The following CEP57 variants were observed in gnomAD, a reference collection of about 807,000 sequenced individuals.
CEP57 encodes the protein centrosomal protein of 57 kDa.
A neutral mutation model predicts 68.0 loss-of-function variants in CEP57; 40 were observed. That is an observed-to-expected ratio of 0.59 (90% confidence interval 0.46 to 0.77). CEP57 has a LOEUF of 0.77. CEP57 is among the 30% of genes least tolerant of loss of function. The pLI is 0.00. For missense variants in CEP57, 606 were observed against 580.7 expected (o/e 1.04, Z -0.45); for synonymous variants, 219 against 198.7 (o/e 1.10, Z -0.86).
rs564070002 is a variant in CEP57, at chr11:95,808,254, T to A, written c.203-4678T>A. On this transcript the variant is annotated intron_variant, in intron 2 of 10. Coordinates refer to ENST00000325542, the MANE Select transcript of CEP57 (RefSeq NM_014679.5). ...GAAAGGAACAACCGGTACCAGCCAC[T>A]GCAAAAACATGCCAAATTGTAAAGA... 2.0e-5 allele frequency among the ~76,000 whole-genome samples: 3 copies of A among 152,150 alleles called. No homozygotes were observed. In the East Asian group the frequency reaches 5.8e-4, roughly 29 times the overall value.
rs1591036052 is a variant in CEP57 at position 95,790,592 on chromosome 11, G to A, written c.-107G>A. ...CAGCACCCTTGCCCTTTTCCATCAG[G>A]GGTTCAGCCTAGGGTCCCCGCTGGT... On this transcript the variant is annotated 5_prime_UTR_variant, in exon 1 of 11. Coordinates refer to ENST00000325542, the MANE Select transcript of CEP57 (RefSeq NM_014679.5). 1.5e-6 allele frequency: 2 copies of A among 1,362,180 alleles called. No homozygotes were observed. Among genetic ancestry groups the A allele is most frequent in the Admixed American group, 2.0e-5 (1 of 50,830 alleles). 84.4% of individuals were successfully genotyped at this position (1,362,180 alleles called of 1,614,324 possible). A position where few individuals can be genotyped will look rare whatever the true frequency, so the allele number is the denominator to read the frequency against.
intron 4 of CEP57, among the ~76,000 whole-genome samples, chr11:95,815,910 C>CATTT (rs1243264971): frequency 6.6e-6 from 1 of 152,040 alleles, no homozygotes; most frequent in Non-Finnish European, 1.5e-5. Flanking sequence ...TTTTATGTAC[C>CATTT]CTGGCTCCAA....
At chr11:95,807,590 G>A (rs753651255) in intron 2 of CEP57, among the ~76,000 whole-genome samples, 11 of 152,098 alleles carry the variant, frequency 7.2e-5, no homozygotes, top group Non-Finnish European at 8.8e-5. Context: ...CTCAGTAGCC[G>A]ATTCAATCAA....
chr11:95,814,286 T>C (rs1862204584), intron 4 of CEP57, among the ~76,000 whole-genome samples: 1 of 151,814 alleles, frequency 6.6e-6, no homozygotes, highest in South Asian at 2.1e-4. Flanking sequence ...TGGCCTCAAG[T>C]GATCAGGCCG....
chr11:95,796,392 G>A (rs1302823424), intron 1 of CEP57, among the ~76,000 whole-genome samples: 1 of 152,180 alleles, frequency 6.6e-6, no homozygotes, highest in Non-Finnish European at 1.5e-5. Context: ...GGAGAGATTA[G>A]TGGATTGGGA....
At chr11:95,818,018 A>G (rs1862372364) in intron 5 of CEP57, 115 bp downstream of exon 5, 1 of 730,194 alleles carries the variant, frequency 1.4e-6, no homozygotes, top group Non-Finnish European at 2.5e-6. Flanking sequence ...TAATGAAGAA[A>G]TATATTGGAG....
In CEP57 at chr11:95,819,872, C is replaced by G. The variant is rs138387942; in HGVS notation, c.699+968C>G. ...TGTATTAAATCTGATACAGTTCCTT[C>G]TCAAATATTTACCTTCTGATCAATT... is the stretch of plus-strand genomic sequence containing the variant. On this transcript the variant is annotated intron_variant, in intron 6 of 10. Coordinates refer to ENST00000325542, the MANE Select transcript of CEP57 (RefSeq NM_014679.5). 3.0e-3 allele frequency among the ~76,000 whole-genome samples: 450 copies of G among 151,872 alleles called. 3 individuals carry two copies. Among genetic ancestry groups the G allele is most frequent in the African/African-American group, 9.6e-3 (399 of 41,462 alleles).
At chr11:95,822,237 C>T (rs1565329631) in intron 7 of CEP57, 1 of 576,498 alleles carries the variant, frequency 1.7e-6, no homozygotes, top group Non-Finnish European at 3.1e-6. Context: ...TGTGCTCTTA[C>T]AATGTTTTGT....
intron 1 of CEP57, among the ~76,000 whole-genome samples, chr11:95,793,095 C>A (rs1052744420): frequency 6.6e-6 from 1 of 152,112 alleles, no homozygotes; most frequent in African/African-American, 2.4e-5. Flanking sequence ...AGATTTTTAA[C>A]AAGTAGATTC....
intron 8 of CEP57, among the ~76,000 whole-genome samples, chr11:95,824,250 A>T (rs544339878): frequency 2.2e-4 from 33 of 151,888 alleles, no homozygotes; most frequent in African/African-American, 3.9e-4. Context: ...TCTTTAAAAA[A>T]TTTTTTTTAA....
intron 2 of CEP57, among the ~76,000 whole-genome samples, chr11:95,810,063 C>T (rs963788729): frequency 6.6e-6 from 1 of 152,070 alleles, no homozygotes; most frequent in Non-Finnish European, 1.5e-5. Context: ...AATCAGTAAA[C>T]GTAATTCATC....
chr11:95,791,091 G>GC (rs1424931806), intron 1 of CEP57, among the ~76,000 whole-genome samples: 3 of 152,310 alleles, frequency 2.0e-5, no homozygotes, highest in East Asian at 3.9e-4. Flanking sequence ...GGGTTCAGCG[G>GC]CCCCTCTAGG....
At chr11:95,829,368 T>TAA in intron 10 of CEP57, 37 bp downstream of exon 10, 1 of 1,539,440 alleles carries the variant, frequency 6.5e-7, no homozygotes, top group Non-Finnish European at 8.9e-7. Flanking sequence ...TTCTAATGAT[T>TAA]AAGAAAAAAA....
chr11:95,824,976 A>T (rs1353402862), intron 8 of CEP57, among the ~76,000 whole-genome samples: 1 of 152,180 alleles, frequency 6.6e-6, no homozygotes, highest in Non-Finnish European at 1.5e-5. Context: ...TGCCAGTAAG[A>T]GACTGCCTTT....
chr11:95,796,276 G>T (rs1198309081), intron 1 of CEP57, among the ~76,000 whole-genome samples: 1 of 152,212 alleles, frequency 6.6e-6, no homozygotes, highest in Non-Finnish European at 1.5e-5. Flanking sequence ...ACTAAAGGCT[G>T]CAGGAAAAGC....
chr11:95,806,523 T>A (rs1320218712), intron 2 of CEP57, among the ~76,000 whole-genome samples: 1 of 152,190 alleles, frequency 6.6e-6, no homozygotes, highest in South Asian at 2.1e-4. Flanking sequence ...ACTCCCACCC[T>A]AATACTGTGC....
At position 95,818,057 on chromosome 11, in the gene CEP57, G is replaced by C. The variant is rs555920897; in HGVS notation, c.621+154G>C. On this transcript the variant is annotated intron_variant, in intron 5 of 10. Coordinates refer to ENST00000325542, the MANE Select transcript of CEP57 (RefSeq NM_014679.5). ...TAAAAAGAAAATATAAATTTGGAGA[G>C]AATGTTCACATTTTACAATCTTGGT... is the stretch of plus-strand genomic sequence containing the variant. The C allele has an allele frequency of 1.2e-4, 72 of 614,670 alleles. No individual in the cohort carries two copies. The African/African-American group carries it at 1.3e-3, about 11-fold the overall frequency. 38.1% of individuals were successfully genotyped at this position (614,670 alleles called of 1,614,324 possible). A position where few individuals can be genotyped will look rare whatever the true frequency, so the allele number is the denominator to read the frequency against.
intron 2 of CEP57, among the ~76,000 whole-genome samples, chr11:95,808,265 G>GTAAAGA (rs1861897832): frequency 6.6e-6 from 1 of 151,882 alleles, no homozygotes; most frequent in Admixed American, 6.6e-5. Context: ...GCAAAAACAT[G>GTAAAGA]CCAAATTGTA....
At chr11:95,825,050 A>G (rs1862680431) in intron 8 of CEP57, among the ~76,000 whole-genome samples, 1 of 152,204 alleles carries the variant, frequency 6.6e-6, no homozygotes, top group Non-Finnish European at 1.5e-5. Flanking sequence ...TCAACACCAA[A>G]GGCATGGAAG....
Sources: gnomAD v4.1 joint callset for allele counts (sites outside exome capture counted in the v4.1 genomes callset) on GRCh38, gnomAD v4.1.1 for gene constraint, MANE v1.5 for transcripts, NCBI Gene and HGNC (gene_info 2026-07-23, HGNC 2026-07-21) for gene names.